The following KHDRBS2 variants were observed in gnomAD, a reference collection of about 807,000 sequenced individuals.
The protein encoded by KHDRBS2 is KH domain-containing, RNA-binding, signal transduction-associated protein 2.
In KHDRBS2, 26 loss-of-function variants were observed where a neutral mutation model predicts 44.3. The observed-to-expected ratio is 0.59, with a 90% CI of 0.43 to 0.81. The LOEUF is 0.81. KHDRBS2 is among the 40% of genes least tolerant of loss of function. The pLI, the probability that KHDRBS2 is intolerant of heterozygous loss-of-function variation, is 0.00. For synonymous variants in KHDRBS2, 194 were observed against 151.1 expected (o/e 1.28, Z -2.08); for missense variants, 476 against 433.1 (o/e 1.10, Z -0.88).
At chr6:61,548,492 G>C in the KHDRBS2 span, among the ~76,000 whole-genome samples, 1 of 152,108 alleles carries the variant, frequency 6.6e-6, no homozygotes, top group Admixed American at 6.6e-5. Flanking sequence ...AGAAGTTGCT[G>C]TCCAAGAACT....
intron 2 of KHDRBS2, among the ~76,000 whole-genome samples, chr6:62,100,047 G>A (rs943826060): frequency 6.7e-6 from 1 of 150,146 alleles, no homozygotes. Context: ...CATTCTAGAT[G>A]CCATCAAGAA....
intron 5 of KHDRBS2, among the ~76,000 whole-genome samples, chr6:61,899,739 C>CCA (rs988722142): frequency 7.1e-5 from 10 of 140,234 alleles, no homozygotes; most frequent in Admixed American, 4.4e-4. Context: ...TAATGCCCCC[C>CCA]CCCCGCATTT....
chr6:62,087,385 G>T (rs1203642659), intron 2 of KHDRBS2, among the ~76,000 whole-genome samples: 4 of 150,982 alleles, frequency 2.6e-5, no homozygotes, highest in African/African-American at 4.9e-5. Context: ...CTAAGGCAAA[G>T]ATTAGAAATA....
the KHDRBS2 span, among the ~76,000 whole-genome samples, chr6:61,573,465 A>T: frequency 6.6e-6 from 1 of 152,146 alleles, no homozygotes; most frequent in Non-Finnish European, 1.5e-5. Context: ...AACTAGAAAA[A>T]AAAGAAACAA....
At chr6:62,026,419 T>TATTATC (rs1554334940) in intron 3 of KHDRBS2, among the ~76,000 whole-genome samples, 1 of 136,980 alleles carries the variant, frequency 7.3e-6, no homozygotes, top group Non-Finnish European at 1.7e-5. Context: ...TTATTTTATT[T>TATTATC]ATTATTATTA....
chr6:62,203,085 G>C (rs1185668309), intron 1 of KHDRBS2, among the ~76,000 whole-genome samples: 1 of 152,134 alleles, frequency 6.6e-6, no homozygotes, highest in Non-Finnish European at 1.5e-5. Context: ...AAGGACCAGT[G>C]AAGTGAATCT....
chr6:61,732,588 A>T, intron 7 of KHDRBS2, 94 bp downstream of exon 7: 1 of 763,522 alleles, frequency 1.3e-6, no homozygotes, highest in Non-Finnish European at 2.3e-6. Flanking sequence ...CACTACTAGA[A>T]ATTCTCACAT....
At chr6:61,565,816 A>T in the KHDRBS2 span, among the ~76,000 whole-genome samples, 1 of 152,156 alleles carries the variant, frequency 6.6e-6, no homozygotes, top group South Asian at 2.1e-4. Context: ...TCCTCAGAAA[A>T]CTAAAAATAG....
intron 2 of KHDRBS2, among the ~76,000 whole-genome samples, chr6:62,060,663 T>A (rs1400544149): frequency 1.3e-5 from 2 of 150,388 alleles, no homozygotes; most frequent in Admixed American, 1.3e-4. Flanking sequence ...TAAAACAAAT[T>A]TAAAAGAGAA....
intron 2 of KHDRBS2, among the ~76,000 whole-genome samples, chr6:62,138,700 G>A (rs1362180753): frequency 6.6e-6 from 1 of 152,090 alleles, no homozygotes; most frequent in Non-Finnish European, 1.5e-5. Flanking sequence ...AACTGACTAT[G>A]AACTAGAATT....
intron 1 of KHDRBS2, among the ~76,000 whole-genome samples, chr6:62,198,990 A>G (rs1826305081): frequency 6.6e-6 from 1 of 152,224 alleles, no homozygotes; most frequent in Admixed American, 6.5e-5. Flanking sequence ...CAAAAACCAC[A>G]TGATTATCTC....
At chr6:61,778,140 T>C (rs899237082) in intron 6 of KHDRBS2, among the ~76,000 whole-genome samples, 3 of 152,278 alleles carry the variant, frequency 2.0e-5, no homozygotes, top group East Asian at 3.9e-4. Context: ...CTTTGTACCA[T>C]GTAATAAAAA....
intron 2 of KHDRBS2, among the ~76,000 whole-genome samples, chr6:62,052,822 G>C (rs1243014728): frequency 6.6e-5 from 10 of 152,100 alleles, no homozygotes; most frequent in African/African-American, 1.9e-4. Flanking sequence ...TGGTAATGCT[G>C]GCTTGCTAGC....
chr6:62,139,042 G>GAAAAC (rs1348492975), intron 2 of KHDRBS2, among the ~76,000 whole-genome samples: 2 of 151,860 alleles, frequency 1.3e-5, no homozygotes, highest in Non-Finnish European at 2.9e-5. Flanking sequence ...GGGTAGTGCT[G>GAAAAC]AAAACAAATT....
intron 1 of KHDRBS2, among the ~76,000 whole-genome samples, chr6:62,234,976 T>A (rs1351076967): frequency 6.6e-6 from 1 of 151,932 alleles, no homozygotes; most frequent in Non-Finnish European, 1.5e-5. Flanking sequence ...TTAAGTGGTT[T>A]TATTCATGAT....
chr6:61,728,473 A>C (rs1773933052), intron 7 of KHDRBS2, among the ~76,000 whole-genome samples: 1 of 152,162 alleles, frequency 6.6e-6, no homozygotes, highest in African/African-American at 2.4e-5. Flanking sequence ...AAAAAGATTT[A>C]GCTACAAAGA....
chr6:61,586,585 T>C, the KHDRBS2 span, among the ~76,000 whole-genome samples: 2 of 152,152 alleles, frequency 1.3e-5, no homozygotes, highest in Non-Finnish European at 2.9e-5. Flanking sequence ...TAGGACTCTA[T>C]AGAGGAATTA....
At chr6:61,983,200 T>TTTC (rs1774250064) in intron 3 of KHDRBS2, among the ~76,000 whole-genome samples, 1 of 45,988 alleles carries the variant, frequency 2.2e-5, no homozygotes, top group African/African-American at 9.4e-5. Flanking sequence ...GTTTTTTTCA[T>TTTC]TTTCTTTCTT....
chr6:62,040,769 T>C (rs538753187), intron 3 of KHDRBS2, among the ~76,000 whole-genome samples: 3 of 152,038 alleles, frequency 2.0e-5, no homozygotes, highest in Non-Finnish European at 4.4e-5. Flanking sequence ...TTTCTGCAAA[T>C]GAGAAAGAAG....
Sources: allele counts gnomAD v4.1 joint callset (sites outside exome capture counted in the v4.1 genomes callset), GRCh38; gene constraint gnomAD v4.1.1; transcripts MANE v1.5; gene names NCBI Gene and HGNC (gene_info 2026-07-23, HGNC 2026-07-21).